The following PIGH variants were observed in gnomAD, a reference collection of about 807,000 sequenced individuals.
PIGH encodes phosphatidylinositol glycan anchor biosynthesis class H, also known as phosphatidylinositol N-acetylglucosaminyltransferase subunit H.
Under a neutral mutation model 20.1 loss-of-function variants are expected in PIGH, and 11 were observed. The ratio of observed to expected loss-of-function variants is 0.55; its 90% CI spans 0.34 to 0.91. PIGH has a LOEUF of 0.91. Ranked by LOEUF, PIGH falls within the 40% of genes least tolerant of loss-of-function variation. PIGH has a pLI of 0.02. For missense variants in PIGH, 189 were observed against 233.6 expected (o/e 0.81, Z 1.24); for synonymous variants, 72 against 93.1 (o/e 0.77, Z 1.31).
intron 1 of PIGH, among the ~76,000 whole-genome samples, chr14:67,599,090 T>C (rs2036526483): frequency 6.6e-6 from 1 of 152,198 alleles, no homozygotes; most frequent in Non-Finnish European, 1.5e-5. Flanking sequence ...TATGCTAAAT[T>C]ACCATGCTCT....
In PIGH at chr14:67,594,932, G is replaced by A. The variant is rs537596480; in HGVS notation, c.181-980C>T. ...TGGGAGGCCGAGGCGGGCGGATCACGAGGTCAGGAGATCGAGACCACGGTG... is the reference window on the plus strand; with the variant it reads ...TGGGAGGCCGAGGCGGGCGGATCACAAGGTCAGGAGATCGAGACCACGGTG... On this transcript the variant is annotated intron_variant, in intron 1 of 3. Coordinates refer to ENST00000216452, the MANE Select transcript of PIGH (RefSeq NM_004569.5). 4.5e-3 allele frequency among the ~76,000 whole-genome samples: 682 copies of A among 152,066 alleles called. 5 individuals are homozygous for A. Among genetic ancestry groups the A allele is most frequent in the African/African-American group, 0.016 (656 of 41,478 alleles).
At chr14:67,590,887 G>A (rs185740350) in intron 3 of PIGH, among the ~76,000 whole-genome samples, 127 of 152,206 alleles carry the variant, frequency 8.3e-4, no homozygotes, top group Non-Finnish European at 1.5e-3. Flanking sequence ...AAAACAAAAT[G>A]GACCCTTGAG....
chr14:67,599,881 C>G (rs1298008795), intron 1 of PIGH, 143 bp downstream of exon 1: 1 of 640,946 alleles, frequency 1.6e-6, no homozygotes, highest in Admixed American at 3.2e-5. Context: ...AATATCGTCC[C>G]CAGAACCCGT....
chr14:67,599,419 G>A (rs2036532817), intron 1 of PIGH, among the ~76,000 whole-genome samples: 1 of 152,226 alleles, frequency 6.6e-6, no homozygotes, highest in Admixed American at 6.5e-5. Flanking sequence ...ATTGAGCACA[G>A]CTATCACACA....
intron 1 of PIGH, among the ~76,000 whole-genome samples, chr14:67,595,990 C>T (rs1438652060): frequency 6.6e-6 from 1 of 152,018 alleles, no homozygotes; most frequent in Non-Finnish European, 1.5e-5. Context: ...GTTAAGGGCT[C>T]AAAAAATGGT....
At chr14:67,593,252 G>A (rs2036409339) in intron 2 of PIGH, 1 of 174,214 alleles carries the variant, frequency 5.7e-6, no homozygotes, top group South Asian at 1.3e-4. Flanking sequence ...CACTTGGGGA[G>A]GCCACAGCAG....
chr14:67,599,346 C>T (rs946653729), intron 1 of PIGH, among the ~76,000 whole-genome samples: 20 of 152,254 alleles, frequency 1.3e-4, no homozygotes, highest in African/African-American at 4.1e-4. Context: ...GTATGGCAGG[C>T]ATGAATTCTA....
intron 1 of PIGH, among the ~76,000 whole-genome samples, chr14:67,598,313 GAGAC>G (rs1187197504): frequency 6.6e-6 from 1 of 152,140 alleles, no homozygotes; most frequent in Non-Finnish European, 1.5e-5. Flanking sequence ...CGGCATGAGA[GAGAC>G]AAGTACAGAA....
In PIGH at chr14:67,600,126, G is replaced by A; in HGVS notation, c.78C>T (p.Cys26=). ...GAGGGCAGCTGAGGCAGAATTCCCG[G>A]CAGGACGGGGAGTAGTAGCGGCGCT... is the stretch of plus-strand genomic sequence containing the variant. ...ALQRRYYSPS[C]REFCLSCPRL... The change falls in exon 1 of 4, where the codon TGC becomes TGT. Residue 26 remains cysteine, a synonymous_variant. Transcript: ENST00000216452. 1 of 1,596,056 alleles carries A rather than the reference G, an allele frequency of 6.3e-7. No individual in the cohort carries two copies. Among genetic ancestry groups the A allele is most frequent in the South Asian group, 1.1e-5 (1 of 88,528 alleles).
In PIGH at chr14:67,600,098, G is replaced by A; in HGVS notation, c.106C>T (p.Leu36Phe). Residue 36 changes from leucine to phenylalanine, a missense_variant, in exon 1 of 4, where the codon CTC (leucine) becomes TTC (phenylalanine). Coordinates refer to ENST00000216452, the MANE Select transcript of PIGH (RefSeq NM_004569.5). ...CREFCLSCPR[L>F]SLRSLTAVTC... is the part of the protein sequence containing the mutation. ...ACAGCGGTGAGCGAACGCAGCGAGAGCCGAGGGCAGCTGAGGCAGAATTCC... is the reference window on the plus strand; with the variant it reads ...ACAGCGGTGAGCGAACGCAGCGAGAACCGAGGGCAGCTGAGGCAGAATTCC... The A allele has an allele frequency of 6.3e-7, 1 of 1,595,934 alleles. No homozygotes were observed. The highest frequency in any genetic ancestry group is 8.5e-7 in the Non-Finnish European group (1 of 1,171,624).
At position 67,592,748 on chromosome 14, in the gene PIGH, C is replaced by T. The variant is rs144763241; in HGVS notation, c.391-30G>A. ...AAGAAAATAAATCAAATAGCAAAGT[C>T]TAAGTGAAACTCATTTTGCATTCTT... On this transcript the variant is annotated intron_variant, in intron 2 of 3. Coordinates refer to ENST00000216452, the MANE Select transcript of PIGH (RefSeq NM_004569.5). 1.8e-4 allele frequency: 226 copies of T among 1,236,026 alleles called. No homozygotes were observed. In the African/African-American group the frequency reaches 2.9e-3, roughly 16 times the overall value. 76.6% of individuals were successfully genotyped at this position (1,236,026 alleles called of 1,614,324 possible). A position where few individuals can be genotyped will look rare whatever the true frequency, so the allele number is the denominator to read the frequency against.
chr14:67,598,473 A>G (rs113847601), intron 1 of PIGH, among the ~76,000 whole-genome samples: 1 of 152,148 alleles, frequency 6.6e-6, no homozygotes, highest in African/African-American at 2.4e-5. Context: ...GAGACTTTGG[A>G]TAAGTCATTG....
Position 67,590,034 on chromosome 14 carries a change from A to G in PIGH, c.*46T>C, listed in dbSNP as rs1474621646. ...GGAAAACCAGCCCCTATGGCTTAAG[A>G]GTCATCTCCCATGGAAGACAATGCT... is the stretch of plus-strand genomic sequence containing the variant. On this transcript the variant is annotated 3_prime_UTR_variant, in exon 4 of 4. Transcript: ENST00000216452. 1 of 1,531,842 alleles carries G rather than the reference A, an allele frequency of 6.5e-7. No homozygotes were observed. The highest frequency in any genetic ancestry group is 1.2e-5 in the South Asian group (1 of 81,760). The allele number at this position is 1,531,842 out of a possible 1,614,324, so 94.9% of individuals were successfully genotyped here.
intron 1 of PIGH, among the ~76,000 whole-genome samples, chr14:67,596,557 C>T (rs911021256): frequency 4.6e-5 from 7 of 152,086 alleles, no homozygotes; most frequent in African/African-American, 1.7e-4. Flanking sequence ...TTATTCTTTG[C>T]ACTGACAAGA....
Position 67,593,877 on chromosome 14 carries a change from C to A in PIGH, c.256G>T (p.Asp86Tyr). 1 of 1,612,968 alleles carries A rather than the reference C, an allele frequency of 6.2e-7. No homozygotes were observed. Among genetic ancestry groups the A allele is most frequent in the South Asian group, 1.1e-5 (1 of 91,046 alleles). ...TCAATGATTAACAGAGTCTCCTGAT[C>A]AATCTTCACAAAATGGAGATAACCA... ...LLGYLHFVKI[D>Y]QETLLIIDSL... The change falls in exon 2 of 4, where the codon GAT (aspartate) becomes TAT (tyrosine). Residue 86 changes from aspartate to tyrosine, a missense_variant. By Grantham distance (160) the Asp-to-Tyr change is radical (BLOSUM62 -3). Transcript: ENST00000216452.
At chr14:67,591,150 T>C (rs549215715) in intron 3 of PIGH, among the ~76,000 whole-genome samples, 2 of 152,172 alleles carry the variant, frequency 1.3e-5, no homozygotes, top group Admixed American at 1.3e-4. Flanking sequence ...AGAAGATAGG[T>C]AGTTTAAAGT....
chr14:67,595,056 G>A (rs1480643430), intron 1 of PIGH, among the ~76,000 whole-genome samples: 1 of 151,950 alleles, frequency 6.6e-6, no homozygotes, highest in Non-Finnish European at 1.5e-5. Context: ...AGAATGGCGT[G>A]AACCCAGGAG....
intron 1 of PIGH, among the ~76,000 whole-genome samples, chr14:67,597,972 G>T (rs1809844642): frequency 6.6e-6 from 1 of 151,876 alleles, no homozygotes; most frequent in African/African-American, 2.4e-5. Context: ...AAGGGATGAA[G>T]AACAATAAAT....
At chr14:67,595,911 T>C (rs539388729) in intron 1 of PIGH, among the ~76,000 whole-genome samples, 4 of 152,306 alleles carry the variant, frequency 2.6e-5, no homozygotes, top group African/African-American at 9.6e-5. Context: ...TTCTTGTTAA[T>C]ATAAAAGGTC....
Sources: allele counts gnomAD v4.1 joint callset (sites outside exome capture counted in the v4.1 genomes callset), GRCh38; gene constraint gnomAD v4.1.1; transcripts MANE v1.5; gene names NCBI Gene and HGNC (gene_info 2026-07-23, HGNC 2026-07-21).